C1orf162: variants seen among roughly 807,000 people sequenced by gnomAD.
C1orf162 encodes chromosome 1 open reading frame 162.
Under a neutral mutation model 11.4 loss-of-function variants are expected in C1orf162, and 10 were observed. The ratio of observed to expected loss-of-function variants is 0.88; its 90% CI spans 0.54 to 1.48. The LOEUF (loss-of-function observed/expected upper bound fraction) is 1.48, where lower values mean the gene tolerates loss of function less well. Ranked by LOEUF, C1orf162 falls within the 40% of genes most tolerant of loss-of-function variation. The pLI, the probability that C1orf162 is intolerant of heterozygous loss-of-function variation, is 0.00. For missense variants in C1orf162, 140 were observed against 149.5 expected, an observed-to-expected ratio of 0.94 and a Z score of 0.33; for synonymous variants, 53 against 55.0, an observed-to-expected ratio of 0.96 and a Z score of 0.16.
rs1654010388 is a variant in C1orf162, at chr1:111,476,914, T to C, written c.107+47T>C. 36 of 1,591,306 alleles carry C rather than the reference T, an allele frequency of 2.3e-5. No homozygotes were observed. The East Asian group carries it at 8.0e-4, about 36-fold the overall frequency. On this transcript the variant is annotated intron_variant, in intron 3 of 5. Coordinates refer to ENST00000369718, the MANE Select transcript of C1orf162 (RefSeq NM_001300834.2). ...TGTTTCATCTTGTACCACGTGGGAT[T>C]TGATGTTGTGCTGACAGCCTCGGCT... is the stretch of plus-strand genomic sequence containing the variant.
At chr1:111,477,912 A>G in intron 5 of C1orf162, 71 bp from the exon 6 acceptor site, 1 of 1,603,948 alleles carries the variant, frequency 6.2e-7, no homozygotes, top group Non-Finnish European at 8.5e-7. Flanking sequence ...CAAAGTGCTC[A>G]GGTTGCTTCT....
chr1:111,478,276 C>G lies in C1orf162; in HGVS notation c.*153C>G. On this transcript the variant is annotated 3_prime_UTR_variant, in exon 6 of 6. Transcript: ENST00000369718. ...GTGATCTGGCAATGCTATCCAGCAT[C>G]TTTGGAGACCAATGGTCAGTCTTTT... The G allele has an allele frequency of 1.2e-6, 1 of 849,244 alleles. No individual in the cohort carries two copies. The highest frequency in any genetic ancestry group is 1.8e-6 in the Non-Finnish European group (1 of 543,796). 52.6% of individuals were successfully genotyped at this position (849,244 alleles called of 1,614,324 possible). A position where few individuals can be genotyped will look rare whatever the true frequency, so the allele number is the denominator to read the frequency against.
intron 1 of C1orf162, chr1:111,474,573 G>A (rs143195852): frequency 1.3e-3 from 200 of 152,260 alleles, no homozygotes; most frequent in African/African-American, 4.5e-3. Flanking sequence ...AAAATATTAT[G>A]TCAATATTTT....
intron 2 of C1orf162, 97 bp from the exon 3 acceptor site, chr1:111,476,700 TG>T: frequency 8.7e-7 from 1 of 1,151,026 alleles, no homozygotes; most frequent in Non-Finnish European, 1.3e-6. Context: ...TAATTTCCAC[TG>T]GTTGCTTGGG....
chr1:111,477,612 C>T (rs565953233), intron 4 of C1orf162, 114 bp from the exon 5 acceptor site: 27 of 1,587,478 alleles, frequency 1.7e-5, no homozygotes, highest in Non-Finnish European at 2.2e-5. Context: ...CCCCCACCCA[C>T]CTGCCAACAC....
Position 111,478,099 on chromosome 1 carries a change from T to C in C1orf162, c.369T>C (p.Tyr123=), listed in dbSNP as rs746894445. Residue 123 remains tyrosine (Y), a synonymous_variant, in exon 6 of 6, where the codon TAT becomes TAC. Transcript: ENST00000369718. ...NHSADFDPIV[Y]AQIKVTN ...CTGCAGACTTTGACCCCATTGTCTA[T>C]GCTCAAATTAAAGTAACAAACTAAC... is the stretch of plus-strand genomic sequence containing the variant. 6.2e-7 allele frequency: 1 copy of C among 1,614,110 alleles called. No individual in the cohort carries two copies. Among genetic ancestry groups the C allele is most frequent in the African/African-American group, 1.3e-5 (1 of 74,954 alleles).
In C1orf162 at chr1:111,477,382, G is replaced by C. The variant is rs1468715368; in HGVS notation, c.156G>C (p.Leu52=). The change falls in exon 4 of 6, where the codon CTG becomes CTC. Residue 52 remains leucine, a synonymous_variant. Coordinates refer to ENST00000369718, the MANE Select transcript of C1orf162 (RefSeq NM_001300834.2). ...LAFCAGVLLT[L]LLIAFIFLII... Reference sequence around the variant, plus strand: ...TTTGTGCTGGGGTTCTACTGACACTGCTGCTGATAGCCTTTATCTTCCTCA... The same window carrying C: ...TTTGTGCTGGGGTTCTACTGACACTCCTGCTGATAGCCTTTATCTTCCTCA... 6.2e-7 allele frequency: 1 copy of C among 1,614,088 alleles called. No homozygotes were observed. Among genetic ancestry groups the C allele is most frequent in the South Asian group, 1.1e-5 (1 of 91,088 alleles).
chr1:111,476,287 T>C (rs950114624), intron 2 of C1orf162, among the ~76,000 whole-genome samples: 3 of 152,100 alleles, frequency 2.0e-5, no homozygotes, highest in Non-Finnish European at 4.4e-5. Context: ...CTCTGCTCAA[T>C]ATCAAACTAG....
chr1:111,477,045 C>A, intron 3 of C1orf162, 178 bp downstream of exon 3: 1 of 703,738 alleles, frequency 1.4e-6, no homozygotes, highest in Non-Finnish European at 2.4e-6. Flanking sequence ...ATCCCCTAAG[C>A]TTCAAGAGAT....
In C1orf162 at chr1:111,476,825, C is replaced by T; in HGVS notation, c.65C>T (p.Ala22Val). The T allele has an allele frequency of 6.2e-7, 1 of 1,614,032 alleles. No homozygotes were observed. Among genetic ancestry groups the T allele is most frequent in the Non-Finnish European group, 8.5e-7 (1 of 1,179,960 alleles). ...AGACAAGGCACTCTCTCCACAGCAG[C>T]CCCAACAACTAGCCCTGCACCCTGT... The part of the protein sequence containing the change: ...TERQGTLSTA[A>V]PTTSPAPCLS... The change falls in exon 3 of 6, where the codon GCC (alanine) becomes GTC (valine). Residue 22 changes from alanine (A) to valine (V), a missense_variant. Ala to Val is a moderately conservative substitution (Grantham distance 64, BLOSUM62 0). Coordinates refer to ENST00000369718, the MANE Select transcript of C1orf162 (RefSeq NM_001300834.2).
In C1orf162 at chr1:111,477,360, G is replaced by A; in HGVS notation, c.134G>A (p.Cys45Tyr). The change falls in exon 4 of 6, where the codon TGT becomes TAT. Residue 45 changes from cysteine (C) to tyrosine (Y), a missense_variant. Transcript: ENST00000369718. ...AAAAAACATTTAATCCTTGCCTTTT[G>A]TGCTGGGGTTCTACTGACACTGCTG... ...HNKKHLILAF[C>Y]AGVLLTLLLI... 1.9e-6 allele frequency: 3 copies of A among 1,614,084 alleles called. No homozygotes were observed. Among genetic ancestry groups the A allele is most frequent in the Non-Finnish European group, 2.5e-6 (3 of 1,179,992 alleles).
intron 1 of C1orf162, chr1:111,475,795 A>G: frequency 2.0e-6 from 1 of 489,850 alleles, no homozygotes; most frequent in Non-Finnish European, 3.8e-6. Flanking sequence ...TGATAAGATC[A>G]AATTTCTGGA....
intron 4 of C1orf162, 137 bp from the exon 5 acceptor site, chr1:111,477,589 T>C (rs1423094402): frequency 1.7e-5 from 25 of 1,483,248 alleles, no homozygotes; most frequent in Non-Finnish European, 2.1e-5. Context: ...CCTTCATTTT[T>C]CTTCCGCCCT....
At position 111,477,439 on chromosome 1, in the gene C1orf162, T is replaced by A; in HGVS notation, c.202+11T>A. On this transcript the variant is annotated intron_variant, in intron 4 of 5. Coordinates refer to ENST00000369718, the MANE Select transcript of C1orf162 (RefSeq NM_001300834.2). ...AGAGCTACAGAAAATGTAAGTGGTC[T>A]CCAAGGGATAGGACAGCCCTTCTCT... 1 of 1,603,260 alleles carries A rather than the reference T, an allele frequency of 6.2e-7. No homozygotes were observed. The highest frequency in any genetic ancestry group is 2.2e-5 in the East Asian group (1 of 44,822).
rs2101770674 is a variant in C1orf162, at chr1:111,476,077, A to C, written c.37+12A>C. The stretch of plus-strand genomic sequence containing the variant: ...TAAACCCGACACTGGTGAGTTTACG[A>C]CAGGAATAATTACCTGCCTCACGTC... On this transcript the variant is annotated intron_variant, in intron 2 of 5. Transcript: ENST00000369718. 2 of 1,611,172 alleles carry C rather than the reference A, an allele frequency of 1.2e-6. No individual in the cohort carries two copies.
Position 111,478,396 on chromosome 1 carries a change from G to A in C1orf162, c.*273G>A, listed in dbSNP as rs1654070759. The A allele has an allele frequency of 5.8e-6, 3 of 518,940 alleles. No individual in the cohort carries two copies. Among genetic ancestry groups the A allele is most frequent in the East Asian group, 3.5e-5 (1 of 28,842 alleles). The allele number at this position is 518,940 out of a possible 1,614,324, so 32.1% of individuals were successfully genotyped here. A position where few individuals can be genotyped will look rare whatever the true frequency, so the allele number is the denominator to read the frequency against. Reference sequence around the variant, plus strand: ...ACTGCCTTCCTTGGACCCTTCCAAAGTGTGTGGTACAGAGCTCAGTGCACA... The same window carrying A: ...ACTGCCTTCCTTGGACCCTTCCAAAATGTGTGGTACAGAGCTCAGTGCACA... On this transcript the variant is annotated 3_prime_UTR_variant, in exon 6 of 6. Transcript: ENST00000369718.
chr1:111,477,997 A>G lies in C1orf162; in HGVS notation c.267A>G (p.Pro89=), dbSNP rs200296528. 1 of 1,614,156 alleles carries G rather than the reference A, an allele frequency of 6.2e-7. No individual in the cohort carries two copies. The highest frequency in any genetic ancestry group is 8.5e-7 in the Non-Finnish European group (1 of 1,180,028). The change falls in exon 6 of 6, where the codon CCA becomes CCG. Residue 89 remains proline (P), a synonymous_variant. Transcript: ENST00000369718. The part of the protein sequence containing the change: ...SDPPAKLSSI[P]GESLTYASTT... ...TCCCTCTGCAGCTTTCATCCATCCCAGGGGAATCACTTACCTATGCCAGCA... is the reference window on the plus strand; with the variant it reads ...TCCCTCTGCAGCTTTCATCCATCCCGGGGGAATCACTTACCTATGCCAGCA...
chr1:111,477,038 C>T, intron 3 of C1orf162, 171 bp downstream of exon 3: 2 of 734,942 alleles, frequency 2.7e-6, no homozygotes, highest in Non-Finnish European at 4.6e-6. Flanking sequence ...ATTTGGCATC[C>T]CCTAAGCTTC....
At position 111,475,977 on chromosome 1, in the gene C1orf162, C is replaced by G. The variant is rs113588502; in HGVS notation, c.-11-41C>G. 3,890 of 1,564,458 alleles carry G rather than the reference C, an allele frequency of 2.5e-3. 82 individuals are homozygous for G. The African/African-American group carries it at 0.047, about 19-fold the overall frequency. On this transcript the variant is annotated intron_variant, in intron 1 of 5. Transcript: ENST00000369718. ...CAGAGCTGGCCCTTAAGCCGGCTCTCCCTTCCAAGCTTTCTAAGAGATACC... is the reference window on the plus strand; with the variant it reads ...CAGAGCTGGCCCTTAAGCCGGCTCTGCCTTCCAAGCTTTCTAAGAGATACC...
Sources: allele counts gnomAD v4.1 joint callset (sites outside exome capture counted in the v4.1 genomes callset), GRCh38; gene constraint gnomAD v4.1.1; transcripts MANE v1.5; gene names NCBI Gene and HGNC (gene_info 2026-07-23, HGNC 2026-07-21).